The following UBN2 variants were observed in gnomAD, a reference collection of about 807,000 sequenced individuals.
UBN2 encodes the protein ubinuclein-2.
A neutral mutation model predicts 120.2 loss-of-function variants in UBN2; 35 were observed. The ratio of observed to expected loss-of-function variants is 0.29; its 90% CI spans 0.22 to 0.39. The LOEUF (loss-of-function observed/expected upper bound fraction) is 0.39. Ranked by LOEUF, UBN2 falls within the 10% of genes least tolerant of loss-of-function variation. The pLI is 1.00. For missense variants in UBN2, 1,693 were observed against 1,663.2 expected (o/e 1.02, Z -0.31); for synonymous variants, 661 against 648.7 (o/e 1.02, Z -0.29).
intron 17 of UBN2, among the ~76,000 whole-genome samples, chr7:139,294,356 C>A (rs980342822): frequency 2.0e-5 from 3 of 152,148 alleles, no homozygotes; most frequent in Admixed American, 2.0e-4. Context: ...ACAGCAAGCC[C>A]CTGAATGATA....
chr7:139,244,514 A>AG (rs1466407523), intron 2 of UBN2, among the ~76,000 whole-genome samples: 3 of 152,160 alleles, frequency 2.0e-5, no homozygotes, highest in Admixed American at 6.5e-5. Context: ...TCTTAAAAAA[A>AG]AAGTTAGATC....
rs1798367240 is a variant in UBN2, at chr7:139,306,868, G to C, written c.*9032G>C. 6.6e-6 allele frequency: 1 copy of C among 152,164 alleles called. No individual in the cohort carries two copies. The highest frequency in any genetic ancestry group is 1.5e-5 in the Non-Finnish European group (1 of 68,030). 9.4% of individuals were successfully genotyped at this position (152,164 alleles called of 1,614,324 possible). A position where few individuals can be genotyped will look rare whatever the true frequency, so the allele number is the denominator to read the frequency against. The stretch of plus-strand genomic sequence containing the variant: ...AGTCTACCAAGGTAACTAAGTAATG[G>C]ATGTTTTCTCTCTTTTATTACAAGC... On this transcript the variant is annotated 3_prime_UTR_variant, in exon 18 of 18. Transcript: ENST00000473989.
Position 139,273,319 on chromosome 7 carries a change from GA to G in UBN2, c.1745del (p.Asn582MetfsTer16). 1 of 1,605,236 alleles carries G rather than the reference GA, an allele frequency of 6.2e-7. No individual in the cohort carries two copies. Among genetic ancestry groups the G allele is most frequent in the South Asian group, 1.1e-5 (1 of 89,488 alleles). Reference protein sequence around the residue: ...CAKLQTDEEREKNGSEEDDDE... With the variant: ...CAKLQTDEERXKNGSEEDDDE... Reference sequence around the variant, plus strand: ...TAGATTGCAGACAGATGAAGAACGAGAAAAAAATGGATCTGAAGAGGATGAT... The same window carrying G: ...TAGATTGCAGACAGATGAAGAACGAGAAAAAATGGATCTGAAGAGGATGAT... On this transcript the variant is annotated frameshift_variant, in exon 10 of 18. Coordinates refer to ENST00000473989, the MANE Select transcript of UBN2 (RefSeq NM_173569.4). LOFTEE classifies it high-confidence loss of function.
Position 139,293,286 on chromosome 7 carries a change from TCAC to T in UBN2, c.3726_3728del (p.Pro1243del). 6.2e-7 allele frequency: 1 copy of T among 1,614,252 alleles called. No individual in the cohort carries two copies. The highest frequency in any genetic ancestry group is 8.5e-7 in the Non-Finnish European group (1 of 1,180,034). ...TGCCTCACCTCTGACTCTCATGACA[TCAC>T]CTTTGTCTGTAACAAATCAAAATGT... On this transcript the variant is annotated inframe_deletion, in exon 16 of 18. Transcript: ENST00000473989.
intron 15 of UBN2, among the ~76,000 whole-genome samples, chr7:139,287,669 CT>C (rs60585708): frequency 0.18 from 25,470 of 138,706 alleles, 2,389 homozygotes; most frequent in Admixed American, 0.32. Flanking sequence ...CATATCTGAT[CT>C]TTTTTTTTTT....
chr7:139,297,706 A>T, intron 17 of UBN2, 81 bp from the exon 18 acceptor site: 1 of 1,279,568 alleles, frequency 7.8e-7, no homozygotes, highest in Non-Finnish European at 1.1e-6. Context: ...GATAAAAGTT[A>T]ATTGTTGTTT....
intron 4 of UBN2, 67 bp from the exon 5 acceptor site, chr7:139,259,200 G>A (rs1585001134): frequency 5.7e-6 from 9 of 1,576,886 alleles, no homozygotes; most frequent in Non-Finnish European, 6.0e-6. Context: ...GCTGATGCTG[G>A]ATTGCTAACA....
chr7:139,248,743 C>A (rs1026687367), intron 2 of UBN2, among the ~76,000 whole-genome samples: 3 of 151,580 alleles, frequency 2.0e-5, no homozygotes, highest in Non-Finnish European at 4.4e-5. Context: ...AGATCTCTTC[C>A]TCTCTCTCTC....
chr7:139,246,192 C>A (rs1008280082), intron 2 of UBN2, among the ~76,000 whole-genome samples: 13 of 152,122 alleles, frequency 8.5e-5, no homozygotes, highest in Admixed American at 5.9e-4. Context: ...TGGTGAAACC[C>A]TGCCTCTACT....
At chr7:139,254,957 C>T (rs1796718893) in intron 3 of UBN2, among the ~76,000 whole-genome samples, 1 of 152,116 alleles carries the variant, frequency 6.6e-6, no homozygotes, top group African/African-American at 2.4e-5. Flanking sequence ...ATCATTGTCA[C>T]CGAAGTCCAT....
At chr7:139,284,698 G>A in intron 15 of UBN2, 124 bp downstream of exon 15, 5 of 817,736 alleles carry the variant, frequency 6.1e-6, no homozygotes, top group Non-Finnish European at 9.3e-6. Flanking sequence ...ATTACAGCCT[G>A]CAGCCATGGA....
intron 13 of UBN2, among the ~76,000 whole-genome samples, chr7:139,279,698 A>G (rs1426113903): frequency 6.6e-6 from 1 of 152,224 alleles, no homozygotes; most frequent in East Asian, 1.9e-4. Flanking sequence ...GACAGTGTTA[A>G]TCTGTCGCTT....
At chr7:139,250,380 A>C (rs573653179) in intron 2 of UBN2, among the ~76,000 whole-genome samples, 2 of 152,006 alleles carry the variant, frequency 1.3e-5, no homozygotes, top group Admixed American at 1.3e-4. Flanking sequence ...CTACAGACGC[A>C]TGCCACCACA....
intron 2 of UBN2, among the ~76,000 whole-genome samples, chr7:139,240,812 A>G (rs1438048257): frequency 6.6e-6 from 1 of 152,188 alleles, no homozygotes; most frequent in African/African-American, 2.4e-5. Flanking sequence ...CAATTACTAA[A>G]TGGTTTTTTG....
intron 9 of UBN2, among the ~76,000 whole-genome samples, chr7:139,272,697 TTG>T (rs1240490397): frequency 6.6e-6 from 1 of 152,086 alleles, no homozygotes; most frequent in East Asian, 1.9e-4. Flanking sequence ...AGGCTAATTT[TTG>T]TATTTTTAGT....
intron 3 of UBN2, among the ~76,000 whole-genome samples, chr7:139,257,466 T>C (rs1387654353): frequency 6.6e-6 from 1 of 152,200 alleles, no homozygotes; most frequent in Non-Finnish European, 1.5e-5. Context: ...TGGAGTGCAG[T>C]GGTATGATCT....
At position 139,245,831 on chromosome 7, in the gene UBN2, G is replaced by A. The variant is rs1275438154; in HGVS notation, c.562-6125G>A. Among the ~76,000 whole-genome samples the A allele has an allele frequency of 2.0e-5, 3 of 152,210 alleles. 1 individual carries two copies. The highest frequency in any genetic ancestry group is 7.2e-5 in the African/African-American group (3 of 41,448). ...AGATGGGGAGAAAGCACAAGGAACA[G>A]TAAGAAGGTGTGTTTGGGGGAGAGT... On this transcript the variant is annotated intron_variant, in intron 2 of 17. Coordinates refer to ENST00000473989, the MANE Select transcript of UBN2 (RefSeq NM_173569.4).
chr7:139,254,457 C>T (rs1215878328), intron 3 of UBN2, among the ~76,000 whole-genome samples: 1 of 152,150 alleles, frequency 6.6e-6, no homozygotes, highest in East Asian at 1.9e-4. Flanking sequence ...GAATGTTTTC[C>T]GGAGTCTTGA....
chr7:139,281,326 AAAGAT>A (rs1424233938), intron 13 of UBN2, among the ~76,000 whole-genome samples: 3 of 152,302 alleles, frequency 2.0e-5, no homozygotes, highest in East Asian at 1.9e-4. Context: ...TTCTAGTTAT[AAAGAT>A]AAGATAAGGA....
Sources: allele counts gnomAD v4.1 joint callset (sites outside exome capture counted in the v4.1 genomes callset), GRCh38; gene constraint gnomAD v4.1.1; transcripts MANE v1.5; gene names NCBI Gene and HGNC (gene_info 2026-07-23, HGNC 2026-07-21).